Variants in SPON1 observed in about 807,000 individuals in gnomAD.
SPON1 encodes the protein spondin-1.
A neutral mutation model predicts 111.7 loss-of-function variants in SPON1; 52 were observed. That is an observed-to-expected ratio of 0.47 (90% confidence interval 0.37 to 0.59). SPON1 has a LOEUF of 0.59. SPON1 is among the 20% of genes least tolerant of loss of function. The probability of loss-of-function intolerance (pLI) is 0.00; values close to 1 mark genes in which losing one functional copy is unlikely to be tolerated. For synonymous variants in SPON1, 410 were observed against 395.8 expected (o/e 1.04, Z -0.43); for missense variants, 957 against 1,068.5 (o/e 0.90, Z 1.46).
At chr11:14,263,757 G>A (rs138736768) in intron 15 of SPON1, among the ~76,000 whole-genome samples, 2,171 of 152,070 alleles carry the variant, frequency 0.014, 49 homozygotes, top group African/African-American at 0.05. Flanking sequence ...GGCCGGGCAC[G>A]GTGGCTCATG....
chr11:14,119,823 G>A (rs1418472514), intron 5 of SPON1, among the ~76,000 whole-genome samples: 2 of 152,116 alleles, frequency 1.3e-5, no homozygotes, highest in Non-Finnish European at 2.9e-5. Flanking sequence ...ATATTTAGCA[G>A]TACACAAACG....
chr11:14,105,484 C>A (rs1489452112), intron 5 of SPON1, among the ~76,000 whole-genome samples: 1 of 152,122 alleles, frequency 6.6e-6, no homozygotes, highest in East Asian at 1.9e-4. Flanking sequence ...GATATAATGT[C>A]TTTCTTCCAC....
chr11:14,117,126 C>T (rs148823530), intron 5 of SPON1, among the ~76,000 whole-genome samples: 1 of 152,176 alleles, frequency 6.6e-6, no homozygotes, highest in African/African-American at 2.4e-5. Context: ...TTGGAATTTA[C>T]GTACACAATA....
chr11:14,068,340 TG>T (rs1848848470), intron 3 of SPON1, among the ~76,000 whole-genome samples: 1 of 152,224 alleles, frequency 6.6e-6, no homozygotes, highest in South Asian at 2.1e-4. Flanking sequence ...ACCAGGGCTT[TG>T]TAGTGTAACT....
At chr11:14,131,595 G>A (rs978190890) in intron 5 of SPON1, among the ~76,000 whole-genome samples, 1 of 152,052 alleles carries the variant, frequency 6.6e-6, no homozygotes, top group Non-Finnish European at 1.5e-5. Flanking sequence ...GCTTTGTTTT[G>A]TACAACTCTT....
At chr11:14,081,884 C>G (rs1168154365) in intron 5 of SPON1, among the ~76,000 whole-genome samples, 1 of 151,990 alleles carries the variant, frequency 6.6e-6, no homozygotes, top group Non-Finnish European at 1.5e-5. Context: ...TTAATGTTAC[C>G]CACATGCAAT....
At chr11:14,128,314 TAG>T (rs1446411794) in intron 5 of SPON1, among the ~76,000 whole-genome samples, 1 of 152,104 alleles carries the variant, frequency 6.6e-6, no homozygotes, top group Non-Finnish European at 1.5e-5. Flanking sequence ...AGGAATTGGG[TAG>T]ATGCTCCCAT....
intron 3 of SPON1, among the ~76,000 whole-genome samples, chr11:14,071,668 T>C (rs553273931): frequency 6.6e-6 from 1 of 152,156 alleles, no homozygotes; most frequent in East Asian, 1.9e-4. Context: ...GAAAAGTGAA[T>C]AGGTAACAAC....
Position 14,260,690 on chromosome 11 carries a change from C to A in SPON1, c.1934C>A (p.Ala645Glu). 6.2e-7 allele frequency: 1 copy of A among 1,613,982 alleles called. No individual in the cohort carries two copies. Among genetic ancestry groups the A allele is most frequent in the Non-Finnish European group, 8.5e-7 (1 of 1,179,894 alleles). Residue 645 changes from alanine to glutamate, a missense_variant, in exon 14 of 16, where the codon GCA (alanine) becomes GAA (glutamate). Transcript: ENST00000576479. ...CGACAGCGGATGCTCAAGTCTCTGG[C>A]AGAACTTGGAGACTGCAATGAGGAT... The part of the protein sequence containing the change: ...RTRQRMLKSL[A>E]ELGDCNEDLE...
At chr11:14,086,619 T>A (rs1849008696) in intron 5 of SPON1, among the ~76,000 whole-genome samples, 2 of 152,224 alleles carry the variant, frequency 1.3e-5, no homozygotes, top group Non-Finnish European at 2.9e-5. Context: ...TTTTTTGTTG[T>A]GTCTCTGTCA....
At chr11:14,219,608 T>A (rs1274120225) in intron 6 of SPON1, among the ~76,000 whole-genome samples, 1 of 152,220 alleles carries the variant, frequency 6.6e-6, no homozygotes. Flanking sequence ...TATTGTAGCC[T>A]GCTTGAAGAA....
At chr11:14,014,298 A>G (rs1848428385) in intron 2 of SPON1, among the ~76,000 whole-genome samples, 1 of 152,216 alleles carries the variant, frequency 6.6e-6, no homozygotes, top group Non-Finnish European at 1.5e-5. Context: ...GTCATAGACC[A>G]AGGAGGGTGA....
intron 6 of SPON1, among the ~76,000 whole-genome samples, chr11:14,174,250 A>G (rs1554932853): frequency 6.6e-6 from 1 of 152,152 alleles, no homozygotes; most frequent in African/African-American, 2.4e-5. Context: ...TAATCACCCC[A>G]TCTCTCATGA....
chr11:14,218,049 C>A (rs1848643423), intron 6 of SPON1, among the ~76,000 whole-genome samples: 2 of 152,118 alleles, frequency 1.3e-5, no homozygotes, highest in African/African-American at 4.8e-5. Flanking sequence ...AGTTTGCAAA[C>A]CACTGTTCTG....
At position 14,135,243 on chromosome 11, in the gene SPON1, C is replaced by T. The variant is rs1439776682; in HGVS notation, c.677-177C>T. 1.6e-6 allele frequency: 1 copy of T among 612,288 alleles called. No individual in the cohort carries two copies. Among genetic ancestry groups the T allele is most frequent in the South Asian group, 2.8e-5 (1 of 35,460 alleles). 37.9% of individuals were successfully genotyped at this position (612,288 alleles called of 1,614,324 possible). A position where few individuals can be genotyped will look rare whatever the true frequency, so the allele number is the denominator to read the frequency against. ...TTGACCTGTCTGTACATTCCCAAGACCTATTTGCTTATAGGAACTCAGTCT... is the reference window on the plus strand; with the variant it reads ...TTGACCTGTCTGTACATTCCCAAGATCTATTTGCTTATAGGAACTCAGTCT... On this transcript the variant is annotated intron_variant, in intron 5 of 15. Transcript: ENST00000576479. This position sits in a 1 kb window ranked among gnomAD's most constrained non-coding sequence, Gnocchi z 4.4.
chr11:14,063,464 T>A (rs1261269480), intron 3 of SPON1, among the ~76,000 whole-genome samples: 1 of 152,174 alleles, frequency 6.6e-6, no homozygotes, highest in Admixed American at 6.6e-5. Flanking sequence ...CCTTCCTTTC[T>A]TGTAGCTGAA....
At chr11:14,082,431 T>A (rs998015235) in intron 5 of SPON1, among the ~76,000 whole-genome samples, 1 of 152,244 alleles carries the variant, frequency 6.6e-6, no homozygotes, top group African/African-American at 2.4e-5. Context: ...GTTATTTTTT[T>A]AAAAGTCTTT....
intron 5 of SPON1, among the ~76,000 whole-genome samples, chr11:14,130,822 A>G (rs1312768619): frequency 1.3e-5 from 2 of 151,392 alleles, no homozygotes; most frequent in African/African-American, 4.9e-5. Flanking sequence ...ACCTAATTAT[A>G]TATTATTTTC....
chr11:14,262,689 C>A, intron 14 of SPON1, 23 bp from the exon 15 acceptor site: 1 of 1,613,676 alleles, frequency 6.2e-7, no homozygotes. Context: ...GTGATACACT[C>A]ATGCCCATCT....
Sources: gnomAD v4.1 joint callset for allele counts (sites outside exome capture counted in the v4.1 genomes callset) on GRCh38, gnomAD v4.1.1 for gene constraint, Gnocchi (gnomAD v3.1) non-coding constraint, MANE v1.5 for transcripts, NCBI Gene and HGNC (gene_info 2026-07-23, HGNC 2026-07-21) for gene names.